Variants in TMCC3 observed in about 807,000 individuals in gnomAD.
TMCC3 encodes transmembrane and coiled-coil domain family 3.
Under a neutral mutation model 40.2 loss-of-function variants are expected in TMCC3, and 28 were observed. The observed-to-expected ratio is 0.70, with a 90% CI of 0.52 to 0.95. The LOEUF (loss-of-function observed/expected upper bound fraction) is 0.95, where lower values mean the gene tolerates loss of function less well. Among genes scored for constraint, TMCC3 ranks in the 40% least tolerant of loss-of-function variants. The probability of loss-of-function intolerance (pLI) is 0.00; values close to 1 mark genes in which losing one functional copy is unlikely to be tolerated. For synonymous variants in TMCC3, 255 were observed against 248.5 expected, an observed-to-expected ratio of 1.03 and a Z score of -0.25; for missense variants, 554 against 615.2, an observed-to-expected ratio of 0.90 and a Z score of 1.05.
chr12:94,578,724 T>C (rs893763767), intron 2 of TMCC3, among the ~76,000 whole-genome samples, 195 bp from the exon 3 acceptor site: 23 of 152,182 alleles, frequency 1.5e-4, no homozygotes, highest in African/African-American at 5.5e-4. Context: ...AAAGATCCAG[T>C]CTCTGGGGTC....
chr12:94,603,235 C>T (rs188460564), intron 1 of TMCC3, among the ~76,000 whole-genome samples: 4 of 152,214 alleles, frequency 2.6e-5, no homozygotes, highest in Admixed American at 2.0e-4. Context: ...CAGACGTGCA[C>T]CACCACGCCT....
At chr12:94,608,460 A>G (rs2068796216) in intron 1 of TMCC3, among the ~76,000 whole-genome samples, 1 of 151,940 alleles carries the variant, frequency 6.6e-6, no homozygotes. Context: ...ACATACTCTA[A>G]CATCAGACCT....
At position 94,625,142 on chromosome 12, in the gene TMCC3, CAA is replaced by C. The variant is rs35584074; in HGVS notation, c.78+25209_78+25210del. On this transcript the variant is annotated intron_variant, in intron 1 of 3. Coordinates refer to ENST00000261226, the MANE Select transcript of TMCC3 (RefSeq NM_020698.4). ...GGGCAACAAGAGCGAAACTCCATCT[CAA>C]AAAAAAAAAAAAAAATTTTTTTTTT... Among the ~76,000 whole-genome samples, 418 of 117,320 alleles carry C rather than the reference CAA, an allele frequency of 3.6e-3. 6 individuals are homozygous for C. Among genetic ancestry groups the C allele is most frequent in the African/African-American group, 0.013 (389 of 30,378 alleles). The allele number at this position is 117,320 out of a possible 152,430, so 77.0% of individuals were successfully genotyped here. A position where few individuals can be genotyped will look rare whatever the true frequency, so the allele number is the denominator to read the frequency against.
chr12:94,577,840 T>A (rs947345833), intron 3 of TMCC3, among the ~76,000 whole-genome samples: 4 of 152,040 alleles, frequency 2.6e-5, no homozygotes, highest in Non-Finnish European at 5.9e-5. Flanking sequence ...GATTTAGGCA[T>A]AAAGTATAAA....
At chr12:94,597,528 G>C (rs1487911531) in intron 1 of TMCC3, among the ~76,000 whole-genome samples, 1 of 151,996 alleles carries the variant, frequency 6.6e-6, no homozygotes, top group Non-Finnish European at 1.5e-5. Flanking sequence ...TCTCAGGCCA[G>C]GTGCAGCAGC....
chr12:94,591,094 C>T (rs2068672224), intron 1 of TMCC3: 3 of 484,694 alleles, frequency 6.2e-6, no homozygotes, highest in African/African-American at 4.0e-5. Flanking sequence ...GGGAGATGGT[C>T]GTGCTGGTTG....
chr12:94,642,222 T>C (rs370954053), intron 1 of TMCC3, among the ~76,000 whole-genome samples: 2 of 152,360 alleles, frequency 1.3e-5, no homozygotes, highest in Admixed American at 6.5e-5. Context: ...GTATAATGGT[T>C]AGTCCCAATC....
At chr12:94,614,395 C>T (rs2138862626) in intron 1 of TMCC3, among the ~76,000 whole-genome samples, 1 of 152,244 alleles carries the variant, frequency 6.6e-6, no homozygotes. Context: ...TAATTGCCCC[C>T]AGGCCACAAG....
At chr12:94,606,458 C>T (rs1303181760) in intron 1 of TMCC3, among the ~76,000 whole-genome samples, 1 of 151,554 alleles carries the variant, frequency 6.6e-6, no homozygotes, top group South Asian at 2.1e-4. Flanking sequence ...CCTCTGCCTC[C>T]CAGGTTCAAG....
intron 1 of TMCC3, among the ~76,000 whole-genome samples, chr12:94,643,006 CAT>C (rs2068999358): frequency 6.6e-6 from 1 of 152,116 alleles, no homozygotes; most frequent in South Asian, 2.1e-4. Context: ...TCCTGGCCAA[CAT>C]AGTGAAACCC....
chr12:94,593,330 G>A (rs571666191), intron 1 of TMCC3, among the ~76,000 whole-genome samples: 1 of 147,818 alleles, frequency 6.8e-6, no homozygotes, highest in South Asian at 2.2e-4. Flanking sequence ...CTGTGCCACT[G>A]CATTCAAGCC....
intron 1 of TMCC3, among the ~76,000 whole-genome samples, chr12:94,644,076 T>C (rs1054932740): frequency 6.6e-6 from 1 of 152,260 alleles, no homozygotes; most frequent in Non-Finnish European, 1.5e-5. Flanking sequence ...CTTTCACCTA[T>C]GTTCTTTTTA....
chr12:94,592,765 T>C (rs1382940110), intron 1 of TMCC3, among the ~76,000 whole-genome samples: 1 of 150,690 alleles, frequency 6.6e-6, no homozygotes, highest in Non-Finnish European at 1.5e-5. Context: ...AGAATACACA[T>C]ATCTTTCATG....
intron 1 of TMCC3, among the ~76,000 whole-genome samples, chr12:94,607,226 T>G (rs1357663689): frequency 2.6e-5 from 4 of 152,194 alleles, no homozygotes; most frequent in Non-Finnish European, 5.9e-5. Context: ...CTTCCCTTAT[T>G]CCCTGAAAAT....
intron 1 of TMCC3, among the ~76,000 whole-genome samples, chr12:94,621,094 T>C (rs745771944): frequency 4.6e-5 from 7 of 152,252 alleles, no homozygotes; most frequent in Admixed American, 1.3e-4. Context: ...TGGATGTGGC[T>C]GGCATTGCCT....
chr12:94,641,353 G>A (rs2068989727), intron 1 of TMCC3, among the ~76,000 whole-genome samples: 1 of 152,172 alleles, frequency 6.6e-6, no homozygotes, highest in Non-Finnish European at 1.5e-5. Context: ...GAATGAATCT[G>A]ATATACAGAC....
chr12:94,610,688 C>T (rs537673425), intron 1 of TMCC3, among the ~76,000 whole-genome samples: 22 of 152,216 alleles, frequency 1.4e-4, no homozygotes, highest in South Asian at 8.3e-4. Flanking sequence ...AAAATGGAAA[C>T]GGATCTGAAT....
intron 1 of TMCC3, among the ~76,000 whole-genome samples, chr12:94,626,926 T>A (rs974086967): frequency 3.9e-5 from 6 of 152,204 alleles, no homozygotes; most frequent in African/African-American, 1.4e-4. Context: ...AGTGGTGTGA[T>A]CTTGGCTGAC....
intron 1 of TMCC3, among the ~76,000 whole-genome samples, chr12:94,597,293 C>T (rs564061266): frequency 1.3e-4 from 19 of 151,212 alleles, no homozygotes; most frequent in African/African-American, 3.2e-4. Flanking sequence ...CCAGCCTGGG[C>T]GACAAAGCCA....
Sources: gnomAD v4.1 joint callset for allele counts (sites outside exome capture counted in the v4.1 genomes callset) on GRCh38, gnomAD v4.1.1 for gene constraint, MANE v1.5 for transcripts, NCBI Gene and HGNC (gene_info 2026-07-23, HGNC 2026-07-21) for gene names.